Variants in USP54 observed in about 807,000 individuals in gnomAD.
USP54 encodes ubiquitin carboxyl-terminal hydrolase 54.
A neutral mutation model predicts 170.5 loss-of-function variants in USP54; 87 were observed. The observed-to-expected ratio is 0.51, with a 90% confidence interval of 0.43 to 0.61. The LOEUF is 0.61. Among genes scored for constraint, USP54 ranks in the 20% least tolerant of loss-of-function variants. The probability of loss-of-function intolerance (pLI) is 0.00; values close to 1 mark genes in which losing one functional copy is unlikely to be tolerated. For missense variants in USP54, 1,786 were observed against 2,047.8 expected (o/e 0.87, Z 2.47); for synonymous variants, 655 against 742.8 (o/e 0.88, Z 1.92).
intron 7 of USP54, chr10:73,541,962 T>G: frequency 3.8e-6 from 2 of 531,432 alleles, no homozygotes; most frequent in Non-Finnish European, 3.4e-6. Flanking sequence ...TGCTGGCCAG[T>G]ACTGAGCCTA....
At chr10:73,510,751 C>T (rs1420586160) in intron 20 of USP54, among the ~76,000 whole-genome samples, 1 of 152,060 alleles carries the variant, frequency 6.6e-6, no homozygotes, top group Non-Finnish European at 1.5e-5. Flanking sequence ...GCCCGGCCTA[C>T]TCTTATTCTT....
At chr10:73,511,909 A>C (rs2060278994) in intron 20 of USP54, among the ~76,000 whole-genome samples, 1 of 149,868 alleles carries the variant, frequency 6.7e-6, no homozygotes, top group South Asian at 2.1e-4. Context: ...TACCCGGCTA[A>C]TTTTTTTTGT....
intron 1 of USP54, among the ~76,000 whole-genome samples, chr10:73,609,606 G>A (rs1044720240): frequency 6.6e-6 from 1 of 152,078 alleles, no homozygotes; most frequent in African/African-American, 2.4e-5. Flanking sequence ...AGCACTTTGG[G>A]AGGCAGAGGT....
intron 17 of USP54, among the ~76,000 whole-genome samples, chr10:73,521,922 C>G (rs1462839490): frequency 2.0e-5 from 3 of 152,102 alleles, no homozygotes; most frequent in Non-Finnish European, 4.4e-5. Context: ...TATCCCTTGC[C>G]CTCTACTTAC....
intron 4 of USP54, among the ~76,000 whole-genome samples, chr10:73,560,499 CAA>C (rs1261424584): frequency 7.3e-5 from 9 of 123,954 alleles, no homozygotes; most frequent in Non-Finnish European, 1.0e-4. Context: ...ACTAAAAATA[CAA>C]AAAAAAAAAA....
chr10:73,509,042 G>A (rs140341585), intron 20 of USP54, among the ~76,000 whole-genome samples: 1,758 of 77,736 alleles, frequency 0.023, 17 homozygotes, highest in Middle Eastern at 0.073. Context: ...AATGTTAAAA[G>A]ACAATGACCA....
intron 20 of USP54, among the ~76,000 whole-genome samples, chr10:73,509,384 C>T (rs981916929): frequency 6.7e-6 from 1 of 149,082 alleles, no homozygotes; most frequent in African/African-American, 2.5e-5. Flanking sequence ...GGTGGATCAC[C>T]TGAGGTCAGG....
At chr10:73,567,629 G>A (rs1419871361) in intron 4 of USP54, among the ~76,000 whole-genome samples, 2 of 152,052 alleles carry the variant, frequency 1.3e-5, no homozygotes, top group Admixed American at 6.5e-5. Context: ...CTGAGGTCGC[G>A]CCATTGCACT....
chr10:73,580,422 T>C (rs1564911381), intron 1 of USP54, among the ~76,000 whole-genome samples: 2 of 151,866 alleles, frequency 1.3e-5, no homozygotes, highest in Non-Finnish European at 2.9e-5. Context: ...TATAACAATG[T>C]TTCAGTCAAG....
intron 4 of USP54, among the ~76,000 whole-genome samples, chr10:73,554,319 T>G (rs1349033240): frequency 6.6e-6 from 1 of 152,230 alleles, no homozygotes; most frequent in Admixed American, 6.5e-5. Flanking sequence ...TTCTTAGGGT[T>G]TCTCTTCTCA....
At chr10:73,561,603 A>G (rs1342264661) in intron 4 of USP54, among the ~76,000 whole-genome samples, 1 of 152,246 alleles carries the variant, frequency 6.6e-6, no homozygotes, top group African/African-American at 2.4e-5. Context: ...TGAAATGTCT[A>G]AGAGGTAGAC....
In USP54 at chr10:73,517,650, G is replaced by A. The variant is rs543941553; in HGVS notation, c.2776C>T (p.Pro926Ser). 19 of 1,614,218 alleles carry A rather than the reference G, an allele frequency of 1.2e-5. No homozygotes were observed. Among genetic ancestry groups the A allele is most frequent in the Non-Finnish European group, 1.5e-5 (18 of 1,180,048 alleles). Residue 926 changes from proline (P) to serine (S), a missense_variant, in exon 20 of 24, where the codon CCT becomes TCT. Transcript: ENST00000687698. The part of the protein sequence containing the change: ...EFGASSFFHS[P>S]ASCHESHSSL... ...GAGTGTGACTCATGGCAGGAAGCAGGTGAATGGAAGAAAGAACTGGCCCCA... is the reference window on the plus strand; with the variant it reads ...GAGTGTGACTCATGGCAGGAAGCAGATGAATGGAAGAAAGAACTGGCCCCA...
At chr10:73,512,393 C>T (rs1230748518) in intron 20 of USP54, among the ~76,000 whole-genome samples, 1 of 152,166 alleles carries the variant, frequency 6.6e-6, no homozygotes, top group East Asian at 1.9e-4. Context: ...CACACCTTGG[C>T]TTCTCAAAGT....
upstream of USP54, chr10:73,625,660 C>G (rs2132388427): frequency 6.5e-6 from 1 of 153,066 alleles, no homozygotes; most frequent in African/African-American, 2.4e-5. Flanking sequence ...CACCCTGCTC[C>G]CAACACACAC....
intron 16 of USP54, 91 bp from the exon 17 acceptor site, chr10:73,523,841 G>C: frequency 1.0e-6 from 1 of 960,326 alleles, no homozygotes; most frequent in Non-Finnish European, 1.4e-6. Flanking sequence ...CTTTCCTTTT[G>C]GAATTCTTGC....
chr10:73,514,768 G>A (rs575485739), intron 20 of USP54, among the ~76,000 whole-genome samples: 8 of 152,096 alleles, frequency 5.3e-5, no homozygotes, highest in African/African-American at 1.9e-4. Flanking sequence ...GGACAGGCAC[G>A]GTGGCTCACA....
At chr10:73,510,802 A>AT (rs1012739106) in intron 20 of USP54, among the ~76,000 whole-genome samples, 6 of 152,102 alleles carry the variant, frequency 3.9e-5, no homozygotes, top group Non-Finnish European at 5.9e-5. Flanking sequence ...ACAAAAGTTA[A>AT]TTTTTTATTT....
At chr10:73,600,283 A>AT (rs1402170413) in intron 1 of USP54, among the ~76,000 whole-genome samples, 6 of 152,088 alleles carry the variant, frequency 3.9e-5, no homozygotes, top group Admixed American at 6.6e-5. Flanking sequence ...CTAAAAATTG[A>AT]TTTTTTAATT....
chr10:73,618,227 AAAAT>A (rs2132344701), intron 1 of USP54, among the ~76,000 whole-genome samples: 1 of 150,176 alleles, frequency 6.7e-6, no homozygotes, highest in African/African-American at 2.5e-5. Context: ...TTAATAAATA[AAAAT>A]AAATAAAATG....
Sources: allele counts gnomAD v4.1 joint callset (sites outside exome capture counted in the v4.1 genomes callset), GRCh38; gene constraint gnomAD v4.1.1; transcripts MANE v1.5; gene names NCBI Gene and HGNC (gene_info 2026-07-23, HGNC 2026-07-21).